The following UBE2E2 variants were observed in gnomAD, a reference collection of about 807,000 sequenced individuals.
UBE2E2 encodes the protein ubiquitin conjugating enzyme E2 E2.
A neutral mutation model predicts 24.7 loss-of-function variants in UBE2E2; 6 were observed. The ratio of observed to expected loss-of-function variants is 0.24; its 90% CI spans 0.13 to 0.48. The LOEUF (loss-of-function observed/expected upper bound fraction) is 0.48, where lower values mean the gene tolerates loss of function less well. UBE2E2 is among the 20% of genes least tolerant of loss of function. UBE2E2 has a pLI of 0.99. For missense variants in UBE2E2, 169 were observed against 245.0 expected (o/e 0.69, Z 2.07); for synonymous variants, 104 against 83.6 (o/e 1.24, Z -1.33).
chr3:23,453,211 T>C (rs1325081644), intron 3 of UBE2E2, among the ~76,000 whole-genome samples: 2 of 152,184 alleles, frequency 1.3e-5, no homozygotes, highest in African/African-American at 2.4e-5. Flanking sequence ...ATTTTAAATA[T>C]GTCAGTTAAA....
intron 3 of UBE2E2, among the ~76,000 whole-genome samples, chr3:23,251,411 ATAGT>A (rs1328409064): frequency 6.6e-6 from 1 of 152,162 alleles, no homozygotes; most frequent in Non-Finnish European, 1.5e-5. Context: ...CTCTTTGGTG[ATAGT>A]TGGGCTATTA....
intron 3 of UBE2E2, among the ~76,000 whole-genome samples, chr3:23,242,926 A>G (rs1353442198): frequency 1.3e-5 from 2 of 151,922 alleles, no homozygotes; most frequent in Non-Finnish European, 2.9e-5. Flanking sequence ...TCTCTACTAA[A>G]AACACAAAAC....
At chr3:23,392,308 T>C (rs1696957878) in intron 3 of UBE2E2, among the ~76,000 whole-genome samples, 1 of 152,186 alleles carries the variant, frequency 6.6e-6, no homozygotes, top group South Asian at 2.1e-4. Context: ...CATGAGACTG[T>C]GTAAACTGTA....
intron 3 of UBE2E2, among the ~76,000 whole-genome samples, chr3:23,297,079 A>G (rs1575541031): frequency 6.6e-6 from 1 of 152,024 alleles, no homozygotes; most frequent in African/African-American, 2.4e-5. Flanking sequence ...GCACTTTTTC[A>G]TGTGTTTTTG....
In UBE2E2 at chr3:23,213,604, C is replaced by T. The variant is rs548842083; in HGVS notation, c.177-3658C>T. ...ATACTAACCTAAGAGGTGGCACTGC[C>T]TTATGAAAATTGGAAATTTAGGTGA... is the stretch of plus-strand genomic sequence containing the variant. On this transcript the variant is annotated intron_variant, in intron 2 of 5. Coordinates refer to ENST00000396703, the MANE Select transcript of UBE2E2 (RefSeq NM_152653.4). Among the ~76,000 whole-genome samples, 10 of 152,120 alleles carry T rather than the reference C, an allele frequency of 6.6e-5. No individual in the cohort carries two copies. In the South Asian group the frequency reaches 2.1e-3, roughly 32 times the overall value.
intron 3 of UBE2E2, among the ~76,000 whole-genome samples, chr3:23,345,431 A>C (rs1169198190): frequency 1.3e-5 from 2 of 152,204 alleles, no homozygotes; most frequent in Non-Finnish European, 2.9e-5. Flanking sequence ...TAATTTTGTT[A>C]CTTATTATTT....
chr3:23,326,152 A>G (rs1419995170), intron 3 of UBE2E2, among the ~76,000 whole-genome samples: 1 of 152,024 alleles, frequency 6.6e-6, no homozygotes, highest in Non-Finnish European at 1.5e-5. Context: ...GCTCACTGCA[A>G]CCTCCACCCC....
At position 23,312,895 on chromosome 3, in the gene UBE2E2, T is replaced by A. The variant is rs192087406; in HGVS notation, c.227+95583T>A. On this transcript the variant is annotated intron_variant, in intron 3 of 5. Coordinates refer to ENST00000396703, the MANE Select transcript of UBE2E2 (RefSeq NM_152653.4). ...ATTGTTTAATTTCCATGTGTTTATATAGTTTTAAAAATTCCTCATTATTGA... is the reference window on the plus strand; with the variant it reads ...ATTGTTTAATTTCCATGTGTTTATAAAGTTTTAAAAATTCCTCATTATTGA... 7.9e-5 allele frequency among the ~76,000 whole-genome samples: 12 copies of A among 152,326 alleles called. No homozygotes were observed. In the East Asian group the frequency reaches 2.3e-3, roughly 29 times the overall value.
chr3:23,541,543 T>C (rs1695397194), intron 5 of UBE2E2, among the ~76,000 whole-genome samples: 1 of 152,246 alleles, frequency 6.6e-6, no homozygotes, highest in African/African-American at 2.4e-5. Context: ...CATATTTCTT[T>C]CTGGAGCAGG....
intron 3 of UBE2E2, among the ~76,000 whole-genome samples, chr3:23,384,842 CT>C (rs1490149690): frequency 2.6e-5 from 4 of 152,222 alleles, no homozygotes; most frequent in Non-Finnish European, 5.9e-5. Flanking sequence ...CACCTGGCCC[CT>C]GGATGTAATT....
chr3:23,324,713 C>T (rs1008586842), intron 3 of UBE2E2, among the ~76,000 whole-genome samples: 21 of 151,492 alleles, frequency 1.4e-4, no homozygotes, highest in Admixed American at 5.3e-4. Context: ...TTGAGTAAAG[C>T]TGCAGGAAAG....
intron 3 of UBE2E2, among the ~76,000 whole-genome samples, chr3:23,411,119 G>T (rs576094057): frequency 1.3e-5 from 2 of 152,280 alleles, no homozygotes; most frequent in South Asian, 4.1e-4. Flanking sequence ...TTAGGAAAGG[G>T]CAAGACAATG....
rs928138575 is a variant in UBE2E2 at position 23,562,281 on chromosome 3, G to A, written c.509-27453G>A. Among the ~76,000 whole-genome samples the A allele has an allele frequency of 1.8e-4, 28 of 152,168 alleles. 2 individuals carry two copies. The highest frequency in any genetic ancestry group is 1.2e-3 in the South Asian group (6 of 4,816). On this transcript the variant is annotated intron_variant, in intron 5 of 5. Transcript: ENST00000396703. ...TTATTGAGAGTTTTTAGCATGAAGC[G>A]TTGTTGAATTTTGTCAAAGGCCTTT...
intron 3 of UBE2E2, among the ~76,000 whole-genome samples, chr3:23,247,334 C>G (rs1344695736): frequency 6.6e-6 from 1 of 150,770 alleles, no homozygotes; most frequent in Non-Finnish European, 1.5e-5. Flanking sequence ...AACCTAGTTA[C>G]ATATTATTTA....
intron 3 of UBE2E2, among the ~76,000 whole-genome samples, chr3:23,386,179 C>G (rs1433101902): frequency 2.6e-5 from 4 of 152,152 alleles, no homozygotes; most frequent in Non-Finnish European, 4.4e-5. Flanking sequence ...GGCTTATAAA[C>G]AACAGAAATT....
At position 23,223,640 on chromosome 3, in the gene UBE2E2, GTTGA is replaced by G. The variant is rs558127160; in HGVS notation, c.227+6332_227+6335del. Among the ~76,000 whole-genome samples, 140 of 152,096 alleles carry G rather than the reference GTTGA, an allele frequency of 9.2e-4. 1 individual carries two copies. Among genetic ancestry groups the G allele is most frequent in the Middle Eastern group, 3.2e-3 (1 of 316 alleles). ...ATTCTGTGTGTTGTCTCTTCACTTT[GTTGA>G]TTGTTTCCTTTGCTGTGCAGAAGCT... On this transcript the variant is annotated intron_variant, in intron 3 of 5. Transcript: ENST00000396703.
chr3:23,587,192 G>T (rs186230132), intron 5 of UBE2E2, among the ~76,000 whole-genome samples: 3 of 152,124 alleles, frequency 2.0e-5, no homozygotes, highest in Non-Finnish European at 4.4e-5. Flanking sequence ...TTTGCACAAC[G>T]CACGCTAATT....
At chr3:23,227,374 C>T (rs1036852902) in intron 3 of UBE2E2, among the ~76,000 whole-genome samples, 2 of 152,030 alleles carry the variant, frequency 1.3e-5, no homozygotes, top group Non-Finnish European at 2.9e-5. Flanking sequence ...AGAGTCTTTT[C>T]GAGGGAGGCA....
chr3:23,314,168 A>G (rs1694503643), intron 3 of UBE2E2, among the ~76,000 whole-genome samples: 1 of 151,974 alleles, frequency 6.6e-6, no homozygotes, highest in Non-Finnish European at 1.5e-5. Context: ...TTACTTTGTC[A>G]CCCAGGCTGG....
Sources: allele counts gnomAD v4.1 joint callset (sites outside exome capture counted in the v4.1 genomes callset), GRCh38; gene constraint gnomAD v4.1.1; transcripts MANE v1.5; gene names NCBI Gene and HGNC (gene_info 2026-07-23, HGNC 2026-07-21).